The following TBC1D30 variants were observed in gnomAD, a reference collection of about 807,000 sequenced individuals.
TBC1D30 encodes the protein TBC1 domain family member 30, also known as TBC1 domain family, member 30.
In TBC1D30, 31 loss-of-function variants were observed where a neutral mutation model predicts 63.2. That is an observed-to-expected ratio of 0.49 (90% CI 0.37 to 0.66). The LOEUF (loss-of-function observed/expected upper bound fraction) is 0.66. TBC1D30 is among the 30% of genes least tolerant of loss of function. TBC1D30 has a pLI of 0.00. For synonymous variants in TBC1D30, 307 were observed against 361.5 expected (o/e 0.85, Z 1.71); for missense variants, 810 against 953.6 (o/e 0.85, Z 1.98).
chr12:64,777,810 A>G (rs898051805), upstream of TBC1D30, among the ~76,000 whole-genome samples: 2 of 152,254 alleles, frequency 1.3e-5, no homozygotes, highest in Non-Finnish European at 2.9e-5. Context: ...CCCAGGCCGG[A>G]GTGCAGTGGT....
exon 1 of TBC1D30, chr12:64,780,850 G>A (rs879857804): frequency 6.0e-6 from 6 of 1,002,422 alleles, no homozygotes; most frequent in Non-Finnish European, 7.2e-6. Flanking sequence ...CGGGGCTCCG[G>A]ACGGAGCTGG....
At chr12:64,774,108 G>A (rs1870994696) in intron 1 of TBC1D30, among the ~76,000 whole-genome samples, 1 of 152,184 alleles carries the variant, frequency 6.6e-6, no homozygotes, top group Admixed American at 6.5e-5. Flanking sequence ...TAACCAACCT[G>A]ACAGAGCTGA....
chr12:64,851,170 T>C (rs1415907627), intron 8 of TBC1D30, among the ~76,000 whole-genome samples: 2 of 152,132 alleles, frequency 1.3e-5, no homozygotes, highest in African/African-American at 4.8e-5. Flanking sequence ...TTTTCTTCTT[T>C]ATTAGTCTGG....
chr12:64,875,892 G>C lies in TBC1D30; in HGVS notation c.*104G>C. The C allele has an allele frequency of 8.3e-7, 1 of 1,200,972 alleles. No individual in the cohort carries two copies. The highest frequency in any genetic ancestry group is 1.1e-6 in the Non-Finnish European group (1 of 890,464). 74.4% of individuals were successfully genotyped at this position (1,200,972 alleles called of 1,614,324 possible). A position where few individuals can be genotyped will look rare whatever the true frequency, so the allele number is the denominator to read the frequency against. ...TTTATTTGTCCAGTGAAAATGAATA[G>C]GTTCAGGGATGAGCAACAGCCCATA... On this transcript the variant is annotated 3_prime_UTR_variant, in exon 12 of 12. Coordinates refer to ENST00000539867, the MANE Select transcript of TBC1D30 (RefSeq NM_015279.2).
chr12:64,811,537 G>A (rs1873219910), intron 2 of TBC1D30, among the ~76,000 whole-genome samples: 1 of 152,224 alleles, frequency 6.6e-6, no homozygotes, highest in Non-Finnish European at 1.5e-5. Flanking sequence ...TCCCGGATGA[G>A]TTACAGGGTG....
chr12:64,870,363 T>C (rs896709781), intron 10 of TBC1D30, among the ~76,000 whole-genome samples: 1 of 152,158 alleles, frequency 6.6e-6, no homozygotes, highest in Non-Finnish European at 1.5e-5. Flanking sequence ...GGTAACAAAA[T>C]CAAACTCTGA....
At chr12:64,826,533 C>T (rs546106178) in intron 1 of TBC1D30, among the ~76,000 whole-genome samples, 4 of 152,290 alleles carry the variant, frequency 2.6e-5, no homozygotes. Context: ...AGCAACCTCA[C>T]TTGTTTTCAG....
intron 2 of TBC1D30, among the ~76,000 whole-genome samples, chr12:64,796,143 G>GTT (rs754180803): frequency 3.5e-4 from 45 of 130,128 alleles, no homozygotes; most frequent in African/African-American, 9.8e-4. Context: ...AAAGTTAAGA[G>GTT]TTTTTTTTTT....
rs1056792787 is a variant in TBC1D30, at chr12:64,825,027, G to A, written c.148G>A (p.Glu50Lys). ...RTAPRLLCTL[E>K]PGVDTKLKFT... ...CGCGCCCCGGCTGCTGTGCACCCTGGAGCCGGGTGAGGACCCCAGGGCTGC... is the reference window on the plus strand; with the variant it reads ...CGCGCCCCGGCTGCTGTGCACCCTGAAGCCGGGTGAGGACCCCAGGGCTGC... The change falls in exon 1 of 12, where the codon GAG becomes AAG. Residue 50 changes from glutamate to lysine, a missense_variant. Coordinates refer to ENST00000539867, the MANE Select transcript of TBC1D30 (RefSeq NM_015279.2). 3.9e-6 allele frequency: 6 copies of A among 1,532,502 alleles called. No individual in the cohort carries two copies. Among genetic ancestry groups the A allele is most frequent in the Non-Finnish European group, 5.2e-6 (6 of 1,145,910 alleles). The allele number at this position is 1,532,502 out of a possible 1,614,324, so 94.9% of individuals were successfully genotyped here.
chr12:64,832,728 G>T (rs1350196210), intron 5 of TBC1D30, among the ~76,000 whole-genome samples: 1 of 152,132 alleles, frequency 6.6e-6, no homozygotes, highest in Non-Finnish European at 1.5e-5. Context: ...TCAATTGGGG[G>T]TGGGCATTGG....
At chr12:64,804,152 T>C (rs1872732122) in intron 2 of TBC1D30, among the ~76,000 whole-genome samples, 1 of 152,228 alleles carries the variant, frequency 6.6e-6, no homozygotes, top group East Asian at 1.9e-4. Flanking sequence ...TTTGTTTGTG[T>C]CCTCTTTTAT....
At chr12:64,845,497 C>A (rs904188657) in intron 8 of TBC1D30, among the ~76,000 whole-genome samples, 1 of 151,982 alleles carries the variant, frequency 6.6e-6, no homozygotes, top group Admixed American at 6.6e-5. Context: ...GAGGCTGAGG[C>A]GGGCAGATCA....
chr12:64,809,214 C>T (rs1873059648), intron 2 of TBC1D30, among the ~76,000 whole-genome samples: 1 of 152,160 alleles, frequency 6.6e-6, no homozygotes. Flanking sequence ...ACAGTGTACA[C>T]TGTACCCAAT....
intron 7 of TBC1D30, 79 bp downstream of exon 7, chr12:64,838,930 A>G (rs956972370): frequency 4.7e-6 from 6 of 1,286,562 alleles, no homozygotes; most frequent in Non-Finnish European, 2.1e-6. Context: ...GTGTAAAGCA[A>G]TATTTAAGTG....
chr12:64,766,715 A>G (rs1870727049), intron 1 of TBC1D30, among the ~76,000 whole-genome samples: 1 of 152,152 alleles, frequency 6.6e-6, no homozygotes, highest in Admixed American at 6.5e-5. Flanking sequence ...GATCTACAGA[A>G]CTCTCCACCC....
At chr12:64,800,525 G>C (rs938210208) in intron 2 of TBC1D30, among the ~76,000 whole-genome samples, 1 of 152,162 alleles carries the variant, frequency 6.6e-6, no homozygotes, top group Non-Finnish European at 1.5e-5. Context: ...ATTTAGGAGG[G>C]AGATTCAGTG....
rs1344883391 is a variant in TBC1D30 at position 64,877,492 on chromosome 12, ATCT to A, written c.*1710_*1712del. On this transcript the variant is annotated 3_prime_UTR_variant, in exon 12 of 12. Transcript: ENST00000539867. ...CCTATACCGTGAGAAAAGCCATTTT[ATCT>A]TCTTCGTGGTATTTTTACCCCCAAA... The A allele has an allele frequency of 6.6e-6, 1 of 152,176 alleles. No homozygotes were observed. The highest frequency in any genetic ancestry group is 1.5e-5 in the Non-Finnish European group (1 of 68,038). The allele number at this position is 152,176 out of a possible 1,614,324, so 9.4% of individuals were successfully genotyped here. A position where few individuals can be genotyped will look rare whatever the true frequency, so the allele number is the denominator to read the frequency against.
chr12:64,818,316 C>A (rs1873676257), intron 2 of TBC1D30: 3 of 830,604 alleles, frequency 3.6e-6, no homozygotes, highest in Non-Finnish European at 4.4e-6. Context: ...GAAAACATTG[C>A]AACATATATA....
chr12:64,857,758 A>T (rs1172087275), intron 8 of TBC1D30, among the ~76,000 whole-genome samples: 1 of 152,162 alleles, frequency 6.6e-6, no homozygotes, highest in Non-Finnish European at 1.5e-5. Context: ...TTGCTGAGGA[A>T]CTCGAGTTCC....
Sources: allele counts gnomAD v4.1 joint callset (sites outside exome capture counted in the v4.1 genomes callset), GRCh38; gene constraint gnomAD v4.1.1; transcripts MANE v1.5; gene names NCBI Gene and HGNC (gene_info 2026-07-23, HGNC 2026-07-21).